Variants in DMD observed in about 807,000 individuals in gnomAD.
DMD encodes the protein dystrophin, also known as mutant dystrophin.
Under a neutral mutation model 330.1 loss-of-function variants are expected in DMD, and 63 were observed. That is an observed-to-expected ratio of 0.19 (90% CI 0.16 to 0.24). The LOEUF is 0.24. Ranked by LOEUF, DMD falls within the 10% of genes least tolerant of loss-of-function variation. DMD has a pLI of 1.00. For missense variants in DMD, 3,344 were observed against 2,684.1 expected, an observed-to-expected ratio of 1.25 and a Z score of -5.43; for synonymous variants, 1,223 against 959.8, an observed-to-expected ratio of 1.27 and a Z score of -5.07.
intron 57 of DMD, among the ~76,000 whole-genome samples, chrX:31,492,603 T>C (rs187742691): frequency 8.9e-6 from 1 of 111,734 alleles, no homozygotes; most frequent in Non-Finnish European, 1.9e-5. Flanking sequence ...CCATTCACAA[T>C]AGCAAAGGCG....
At chrX:31,208,446 T>A (rs1369098887) in intron 65 of DMD, among the ~76,000 whole-genome samples, 1 of 111,876 alleles carries the variant, frequency 8.9e-6, no homozygotes, top group African/African-American at 3.3e-5. Flanking sequence ...AAGAAAACAG[T>A]GCCAAAATAT....
intron 39 of DMD, among the ~76,000 whole-genome samples, chrX:32,345,510 G>A (rs1363681192): frequency 9.0e-6 from 1 of 110,845 alleles, no homozygotes; most frequent in East Asian, 2.8e-4. Context: ...AAGAATCTAG[G>A]GCTTATTAAA....
chrX:31,381,730 G>A (rs2060191782), intron 60 of DMD, among the ~76,000 whole-genome samples: 1 of 111,943 alleles, frequency 8.9e-6, no homozygotes, highest in Non-Finnish European at 1.9e-5. Flanking sequence ...CCACACACCA[G>A]CAAAGGCAGG....
rs56794668 is a variant in DMD at position 33,026,313 on chromosome X, C to CAAAA, written c.32-6117_32-6114dup. 7.4e-3 allele frequency among the ~76,000 whole-genome samples: 241 copies of CAAAA among 32,778 alleles called. 18 individuals carry two copies. The highest frequency in any genetic ancestry group is 0.01 in the Non-Finnish European group (190 of 18,872). 28.5% of individuals were successfully genotyped at this position (32,778 alleles called of 115,157 possible). A position where few individuals can be genotyped will look rare whatever the true frequency, so the allele number is the denominator to read the frequency against. On this transcript the variant is annotated intron_variant, in intron 1 of 78. Coordinates refer to ENST00000357033, the MANE Select transcript of DMD (RefSeq NM_004006.3). The stretch of plus-strand genomic sequence containing the variant: ...CTGGGGGACAGAGGAGACTCCGTCT[C>CAAAA]AAAAAAAAAAAAAAAAAAAAAAAAA...
intron 29 of DMD, among the ~76,000 whole-genome samples, chrX:32,429,853 T>G (rs1248252106): frequency 9.0e-6 from 1 of 111,324 alleles, no homozygotes; most frequent in African/African-American, 3.3e-5. Flanking sequence ...TAGATATTCT[T>G]ATATATTTTT....
At chrX:32,412,262 C>CTTTACTCTAGTTA in intron 29 of DMD, 1 of 981,312 alleles carries the variant, frequency 1.0e-6, no homozygotes, top group African/African-American at 2.0e-5. Context: ...TTATATAGTT[C>CTTTACTCTAGTTA]AAGAGATTTG....
rs1393019761 is a variant in DMD at position 32,438,656 on chromosome X, CT to C, written c.3922-267del. Among the ~76,000 whole-genome samples the C allele has an allele frequency of 8.1e-5, 9 of 111,767 alleles. No homozygotes were observed. In the East Asian group the frequency reaches 2.5e-3, roughly 32 times the overall value. ...CAACCACCTTTTTCCTTGACGTCCC[CT>C]AACTCTAAAACCAGAAGAGGTAAAA... is the stretch of plus-strand genomic sequence containing the variant. On this transcript the variant is annotated intron_variant, in intron 28 of 78. Coordinates refer to ENST00000357033, the MANE Select transcript of DMD (RefSeq NM_004006.3).
chrX:33,193,355 A>G (rs1489745941), intron 1 of DMD, among the ~76,000 whole-genome samples: 1 of 111,877 alleles, frequency 8.9e-6, no homozygotes, highest in African/African-American at 3.3e-5. Context: ...TTCTCACTCC[A>G]TTTTTCTCCA....
At chrX:32,786,086 AGTGT>A (rs368269067) in intron 7 of DMD, among the ~76,000 whole-genome samples, 1,310 of 96,493 alleles carry the variant, frequency 0.014, 9 homozygotes, top group African/African-American at 0.021. Context: ...GAGGAATAAG[AGTGT>A]GTGTGTGTGT....
At chrX:31,179,360 G>A (rs1197577621) in intron 69 of DMD, among the ~76,000 whole-genome samples, 1 of 112,637 alleles carries the variant, frequency 8.9e-6, no homozygotes, top group African/African-American at 3.2e-5. Context: ...ACTTTGTTGT[G>A]TATGGGAACC....
chrX:32,374,284 TC>T (rs1217841013), intron 34 of DMD, among the ~76,000 whole-genome samples: 4 of 111,970 alleles, frequency 3.6e-5, no homozygotes, highest in Non-Finnish European at 7.5e-5. Flanking sequence ...TGTTTCTTTT[TC>T]TGTACAGAAG....
intron 48 of DMD, among the ~76,000 whole-genome samples, chrX:31,840,858 C>G (rs776719163): frequency 9.0e-6 from 1 of 110,573 alleles, no homozygotes; most frequent in East Asian, 2.8e-4. Flanking sequence ...CCCTACCTCT[C>G]TTCCTCTCCT....
chrX:31,244,735 C>T (rs1256474348), intron 63 of DMD, among the ~76,000 whole-genome samples: 1 of 111,390 alleles, frequency 9.0e-6, no homozygotes, highest in East Asian at 2.8e-4. Context: ...GAAAGAAGAC[C>T]GGAAGCAATC....
At chrX:32,753,359 C>A (rs1254089204) in intron 7 of DMD, among the ~76,000 whole-genome samples, 1 of 112,189 alleles carries the variant, frequency 8.9e-6, no homozygotes, top group Non-Finnish European at 1.9e-5. Context: ...TCAGGCCTAA[C>A]AGAACACTTT....
Position 32,343,261 on chromosome X carries a change from T to A in DMD, c.5612A>T (p.Lys1871Met), listed in dbSNP as rs2097753511. 8.3e-7 allele frequency: 1 copy of A among 1,206,471 alleles called. No homozygotes were observed. Among genetic ancestry groups the A allele is most frequent in the Non-Finnish European group, 1.1e-6 (1 of 891,229 alleles). ...LKDLRSQRRK[K>M]ALEISHQWYQ... ...CCACTGATGAGAAATTTCTAGAGCC[T>A]TTTTTCTTCTTTGAGACCTCAAATC... The change falls in exon 40 of 79, where the codon AAG (lysine) becomes ATG (methionine). Residue 1871 changes from lysine (K) to methionine (M), a missense_variant. Transcript: ENST00000357033.
At chrX:33,033,197 G>A (rs949430461) in intron 1 of DMD, among the ~76,000 whole-genome samples, 2 of 110,268 alleles carry the variant, frequency 1.8e-5, no homozygotes, top group South Asian at 4.0e-4. Context: ...GATGACAAGT[G>A]GTTAACGACT....
chrX:31,297,514 T>G (rs2148051154), intron 62 of DMD, among the ~76,000 whole-genome samples: 1 of 112,091 alleles, frequency 8.9e-6, no homozygotes, highest in East Asian at 2.8e-4. Flanking sequence ...GGCTTGCACA[T>G]TCTATCAGAA....
intron 55 of DMD, among the ~76,000 whole-genome samples, chrX:31,549,311 G>A (rs1239697321): frequency 3.2e-4 from 35 of 109,872 alleles, no homozygotes; most frequent in Non-Finnish European, 2.7e-4. Context: ...AATCAGGACT[G>A]AGAACAACTA....
At chrX:31,601,160 A>T (rs1298151792) in intron 55 of DMD, among the ~76,000 whole-genome samples, 1 of 112,216 alleles carries the variant, frequency 8.9e-6, no homozygotes, top group Non-Finnish European at 1.9e-5. Flanking sequence ...ACCGATGTTG[A>T]TTGCTATCAT....
Sources: allele counts gnomAD v4.1 joint callset (sites outside exome capture counted in the v4.1 genomes callset), GRCh38; gene constraint gnomAD v4.1.1; transcripts MANE v1.5; gene names NCBI Gene and HGNC (gene_info 2026-07-23, HGNC 2026-07-21).